VPS13C: variants seen among roughly 807,000 people sequenced by gnomAD.
VPS13C encodes vacuolar protein sorting 13 homolog C, also known as intermembrane lipid transfer protein VPS13C.
A neutral mutation model predicts 456.8 loss-of-function variants in VPS13C; 358 were observed. That is an observed-to-expected ratio of 0.78 (90% CI 0.72 to 0.86). VPS13C has a LOEUF of 0.86. VPS13C is among the 40% of genes least tolerant of loss of function. The pLI is 0.00. For missense variants in VPS13C, 4,818 were observed against 4,385.4 expected (o/e 1.10, Z -2.79); for synonymous variants, 1,578 against 1,486.7 (o/e 1.06, Z -1.41).
In VPS13C at chr15:61,869,767, C is replaced by G. The variant is rs553968372; in HGVS notation, c.10625-144G>C. 6.5e-6 allele frequency: 9 copies of G among 1,392,686 alleles called. 1 individual carries two copies. The South Asian group carries it at 1.2e-4, about 18-fold the overall frequency. The allele number at this position is 1,392,686 out of a possible 1,614,324, so 86.3% of individuals were successfully genotyped here. On this transcript the variant is annotated intron_variant, in intron 79 of 84. Coordinates refer to ENST00000644861, the MANE Select transcript of VPS13C (RefSeq NM_020821.3). The stretch of plus-strand genomic sequence containing the variant: ...CTTTCTAAAGAAGTTAAATGTAATC[C>G]TAATGTGATAAAATAGTGGTTTCTC...
At chr15:61,869,116 C>CTTTT (rs68084709) in intron 80 of VPS13C, among the ~76,000 whole-genome samples, 2 of 131,334 alleles carry the variant, frequency 1.5e-5, no homozygotes, top group African/African-American at 3.0e-5. Flanking sequence ...TTTCTTTTTT[C>CTTTT]TTTTTTTTTT....
At chr15:62,048,410 A>G (rs896593992) in intron 1 of VPS13C, among the ~76,000 whole-genome samples, 55 of 152,030 alleles carry the variant, frequency 3.6e-4, no homozygotes, top group Middle Eastern at 3.4e-3. Context: ...AGTTTCATCC[A>G]TGTCCCTACA....
At chr15:62,034,646 T>C (rs1461742194) in intron 4 of VPS13C, among the ~76,000 whole-genome samples, 2 of 151,836 alleles carry the variant, frequency 1.3e-5, no homozygotes, top group South Asian at 4.1e-4. Context: ...TTATTTCACT[T>C]CATTTATTAT....
At chr15:61,876,491 G>C (rs1377218580) in intron 75 of VPS13C, among the ~76,000 whole-genome samples, 1 of 151,934 alleles carries the variant, frequency 6.6e-6, no homozygotes, top group Non-Finnish European at 1.5e-5. Flanking sequence ...TGTAATAGGA[G>C]AAAGAATATT....
At chr15:62,010,684 C>A in intron 12 of VPS13C, 85 bp from the exon 13 acceptor site, 1 of 1,293,130 alleles carries the variant, frequency 7.7e-7, no homozygotes, top group Non-Finnish European at 1.0e-6. Context: ...CACTGTTACT[C>A]TAGAAGTAAA....
At chr15:62,031,083 A>C (rs2047802044) in intron 5 of VPS13C, among the ~76,000 whole-genome samples, 1 of 152,092 alleles carries the variant, frequency 6.6e-6, no homozygotes, top group African/African-American at 2.4e-5. Context: ...AAAAACATCA[A>C]AGAGTTTATT....
At chr15:62,019,500 G>T (rs1254727435) in intron 9 of VPS13C, among the ~76,000 whole-genome samples, 2 of 151,868 alleles carry the variant, frequency 1.3e-5, no homozygotes, top group African/African-American at 4.8e-5. Flanking sequence ...CTTTGTTCTC[G>T]TTGGTTTCAA....
intron 81 of VPS13C, chr15:61,866,576 G>A: frequency 1.0e-6 from 1 of 985,078 alleles, no homozygotes; most frequent in Non-Finnish European, 1.2e-6. Context: ...TCTTGAATTA[G>A]TTATTTGTGC....
rs1355761197 is a variant in VPS13C at position 61,936,707 on chromosome 15, A to T, written c.5645T>A (p.Leu1882Ter). The T allele has an allele frequency of 1.2e-6, 2 of 1,613,520 alleles. No homozygotes were observed. Among genetic ancestry groups the T allele is most frequent in the Non-Finnish European group, 1.7e-6 (2 of 1,179,792 alleles). The stretch of plus-strand genomic sequence containing the variant: ...GGAAGCTTCTCCAAGATTTTCTAGC[A>T]AAATTTTCATTAAAACTGTCAAGTC... The part of the protein sequence containing the change: ...EDDLTVLMKI[L>*]LENLGEASSQ... Residue 1882 changes from leucine to a stop codon, truncating the protein, a stop_gained, in exon 48 of 85, where the codon TTG becomes TAG. Transcript: ENST00000644861. LOFTEE classifies it high-confidence loss of function.
In VPS13C at chr15:62,028,396, T is replaced by A; in HGVS notation, c.410A>T (p.Tyr137Phe). Residue 137 changes from tyrosine to phenylalanine, a missense_variant, in exon 6 of 85, where the codon TAT (tyrosine) becomes TTT (phenylalanine). Tyr to Phe is a conservative substitution (Grantham distance 22). Coordinates refer to ENST00000644861, the MANE Select transcript of VPS13C (RefSeq NM_020821.3). ...EKGTHSGEFI[Y>F]GLENFVYKDI... ...CTTGTAAACAAAGTTCTCCAAGCCA[T>A]ATATGAACTCCCCTGAATGTGTGCC... is the stretch of plus-strand genomic sequence containing the variant. 6.2e-7 allele frequency: 1 copy of A among 1,613,084 alleles called. No homozygotes were observed. Among genetic ancestry groups the A allele is most frequent in the Non-Finnish European group, 8.5e-7 (1 of 1,179,290 alleles).
At chr15:61,988,176 AGT>A (rs1228449169) in intron 18 of VPS13C, among the ~76,000 whole-genome samples, 2 of 152,206 alleles carry the variant, frequency 1.3e-5, no homozygotes, top group East Asian at 3.8e-4. Context: ...TAAGTTATAA[AGT>A]GTTTGTTTTG....
chr15:61,882,159 G>A (rs1291643353), intron 69 of VPS13C, among the ~76,000 whole-genome samples: 4 of 151,956 alleles, frequency 2.6e-5, no homozygotes, highest in Admixed American at 2.6e-4. Context: ...TGAAATTAGG[G>A]GATAAGAGAA....
chr15:61,937,106 T>C (rs879874029), intron 47 of VPS13C, among the ~76,000 whole-genome samples: 7 of 152,190 alleles, frequency 4.6e-5, no homozygotes, highest in Non-Finnish European at 2.9e-5. Context: ...CCTTCTTCTA[T>C]ATTATTTACT....
chr15:61,860,330 C>T (rs1398264897), intron 82 of VPS13C, among the ~76,000 whole-genome samples: 1 of 151,932 alleles, frequency 6.6e-6, no homozygotes, highest in Non-Finnish European at 1.5e-5. Flanking sequence ...GTGATAAAAC[C>T]TAGTCTCAGC....
chr15:62,027,062 TA>T (rs35555986), intron 6 of VPS13C, among the ~76,000 whole-genome samples: 1 of 151,332 alleles, frequency 6.6e-6, no homozygotes, highest in Non-Finnish European at 1.5e-5. Flanking sequence ...TGCTTTAGAA[TA>T]AAAAAAAGTA....
chr15:61,919,951 G>C (rs1197681228), intron 57 of VPS13C, 116 bp downstream of exon 57: 21 of 1,037,060 alleles, frequency 2.0e-5, no homozygotes, highest in Non-Finnish European at 2.6e-5. Context: ...GCAATTATAT[G>C]TTTCAAATGT....
chr15:61,915,440 G>A (rs964032845), intron 61 of VPS13C, among the ~76,000 whole-genome samples, 193 bp downstream of exon 61: 2 of 151,946 alleles, frequency 1.3e-5, no homozygotes, highest in African/African-American at 4.8e-5. Context: ...TTGGAGAAAA[G>A]GGCAACTCAT....
At chr15:61,899,844 A>C (rs553487808) in intron 66 of VPS13C, among the ~76,000 whole-genome samples, 5 of 151,776 alleles carry the variant, frequency 3.3e-5, no homozygotes, top group Admixed American at 6.5e-5. Flanking sequence ...CTTGATGAAC[A>C]TCGATGCAAA....
At chr15:62,001,376 T>C (rs11634077) in intron 15 of VPS13C, among the ~76,000 whole-genome samples, 9,798 of 152,270 alleles carry the variant, frequency 0.064, 377 homozygotes, top group Non-Finnish European at 0.085. Flanking sequence ...TTCAGAAAAA[T>C]AGGAATTCAA....
Sources: gnomAD v4.1 joint callset for allele counts (sites outside exome capture counted in the v4.1 genomes callset) on GRCh38, gnomAD v4.1.1 for gene constraint, MANE v1.5 for transcripts, NCBI Gene and HGNC (gene_info 2026-07-23, HGNC 2026-07-21) for gene names.